NCOA2: variants seen among roughly 807,000 people sequenced by gnomAD.
NCOA2 encodes class E basic helix-loop-helix protein 75.
A neutral mutation model predicts 145.1 loss-of-function variants in NCOA2; 21 were observed. That is an observed-to-expected ratio of 0.14 (90% CI 0.10 to 0.21). NCOA2 has a LOEUF of 0.21. Among genes scored for constraint, NCOA2 ranks in the 10% least tolerant of loss-of-function variants. The probability of loss-of-function intolerance (pLI) is 1.00; values close to 1 mark genes in which losing one functional copy is unlikely to be tolerated. For synonymous variants in NCOA2, 619 were observed against 637.5 expected (o/e 0.97, Z 0.44); for missense variants, 1,472 against 1,837.6 (o/e 0.80, Z 3.64).
chr8:70,272,863 T>A (rs949960871), intron 2 of NCOA2, among the ~76,000 whole-genome samples: 1 of 135,988 alleles, frequency 7.4e-6, no homozygotes, highest in South Asian at 2.5e-4. Context: ...TATAAAGTAA[T>A]AATTTAATAT....
intron 1 of NCOA2, among the ~76,000 whole-genome samples, chr8:70,336,036 G>T (rs1807557178): frequency 6.6e-6 from 1 of 152,168 alleles, no homozygotes; most frequent in Admixed American, 6.5e-5. Context: ...CTCTTGCAAT[G>T]AATGGAGCTT....
intron 1 of NCOA2, among the ~76,000 whole-genome samples, chr8:70,364,546 T>A (rs1226428027): frequency 1.3e-5 from 2 of 152,126 alleles, no homozygotes; most frequent in Non-Finnish European, 2.9e-5. Context: ...AATGGTGAAG[T>A]GTAAAAATGC....
intron 1 of NCOA2, among the ~76,000 whole-genome samples, chr8:70,366,129 C>T (rs975714354): frequency 6.6e-6 from 1 of 152,188 alleles, no homozygotes; most frequent in African/African-American, 2.4e-5. Flanking sequence ...TCAAAAGCCA[C>T]AAGACCAATT....
intron 4 of NCOA2, among the ~76,000 whole-genome samples, chr8:70,210,132 C>T (rs1211947613): frequency 6.6e-6 from 1 of 152,186 alleles, no homozygotes; most frequent in Non-Finnish European, 1.5e-5. Context: ...GGCTGTGTGA[C>T]TTTGCCAGGC....
At chr8:70,274,434 C>T (rs1203183432) in intron 2 of NCOA2, among the ~76,000 whole-genome samples, 1 of 152,106 alleles carries the variant, frequency 6.6e-6, no homozygotes, top group Admixed American at 6.6e-5. Context: ...CTCAATCTTG[C>T]CATCTGTAAG....
At chr8:70,440,976 G>C in the NCOA2 span, among the ~76,000 whole-genome samples, 2 of 138,264 alleles carry the variant, frequency 1.4e-5, no homozygotes, top group Non-Finnish European at 3.1e-5. Context: ...AAGAAAGGGA[G>C]AGAGAAAGAA....
chr8:70,402,609 G>C (rs1030853790), intron 1 of NCOA2: 2 of 151,120 alleles, frequency 1.3e-5, no homozygotes, highest in African/African-American at 4.9e-5. Context: ...CCAGGGGCCC[G>C]AGAGGGCCGG....
At chr8:70,254,217 GCTA>G (rs1277259664) in intron 2 of NCOA2, among the ~76,000 whole-genome samples, 3 of 152,146 alleles carry the variant, frequency 2.0e-5, no homozygotes, top group African/African-American at 4.8e-5. Context: ...CATAAGGATC[GCTA>G]CTATCAAAAA....
At chr8:70,193,394 C>G (rs1816903455) in intron 4 of NCOA2, among the ~76,000 whole-genome samples, 1 of 152,088 alleles carries the variant, frequency 6.6e-6, no homozygotes, top group Non-Finnish European at 1.5e-5. Flanking sequence ...AGGTCTCTTT[C>G]TTTCTTAAGA....
chr8:70,314,442 A>AT (rs1344207679), intron 1 of NCOA2, among the ~76,000 whole-genome samples: 1 of 152,040 alleles, frequency 6.6e-6, no homozygotes, highest in Admixed American at 6.6e-5. Flanking sequence ...AACAAACAGC[A>AT]TATTTTGGAA....
chr8:70,324,635 A>T (rs1164213458), intron 1 of NCOA2, among the ~76,000 whole-genome samples: 1 of 152,186 alleles, frequency 6.6e-6, no homozygotes, highest in Non-Finnish European at 1.5e-5. Flanking sequence ...AACCCCAAAA[A>T]AAAAAAGGTA....
chr8:70,266,212 G>A (rs115710203), intron 2 of NCOA2, among the ~76,000 whole-genome samples: 4,209 of 152,226 alleles, frequency 0.028, 204 homozygotes, highest in African/African-American at 0.096. Context: ...ACCGAGGTGG[G>A]AGTACAGTGG....
chr8:70,398,640 C>T (rs1261327894), intron 1 of NCOA2, among the ~76,000 whole-genome samples: 1 of 152,282 alleles, frequency 6.6e-6, no homozygotes, highest in Non-Finnish European at 1.5e-5. Flanking sequence ...AAGATGTTTT[C>T]TTTTTCCTTT....
chr8:70,310,293 A>C (rs1250558819), intron 1 of NCOA2, among the ~76,000 whole-genome samples: 1 of 150,012 alleles, frequency 6.7e-6, no homozygotes, highest in Non-Finnish European at 1.5e-5. Context: ...GCAGTGAGCC[A>C]AGATCACACC....
chr8:70,279,711 TGA>T (rs1825735021), intron 2 of NCOA2, among the ~76,000 whole-genome samples: 1 of 152,328 alleles, frequency 6.6e-6, no homozygotes, highest in East Asian at 1.9e-4. Context: ...CATGGACCAG[TGA>T]GAGTCATTCC....
chr8:70,285,344 C>T (rs571230635), intron 2 of NCOA2, among the ~76,000 whole-genome samples: 1 of 152,322 alleles, frequency 6.6e-6, no homozygotes, highest in East Asian at 1.9e-4. Context: ...ACAGCATCCA[C>T]CATTAAGTGC....
chr8:70,450,125 A>AGC, the NCOA2 span, among the ~76,000 whole-genome samples: 2 of 152,216 alleles, frequency 1.3e-5, no homozygotes, highest in African/African-American at 4.8e-5. Context: ...TCCTTCTCTC[A>AGC]GCATAGGAGC....
At chr8:70,291,030 T>G (rs942742784) in intron 2 of NCOA2, among the ~76,000 whole-genome samples, 34 of 152,350 alleles carry the variant, frequency 2.2e-4, no homozygotes, top group Middle Eastern at 3.4e-3. Context: ...CAAAAGTTAC[T>G]GTGGTGGCAT....
intron 1 of NCOA2, among the ~76,000 whole-genome samples, chr8:70,367,012 GT>G (rs1433913323): frequency 6.6e-6 from 1 of 152,174 alleles, no homozygotes; most frequent in Non-Finnish European, 1.5e-5. Flanking sequence ...ACAGCAACCT[GT>G]TCCTGACACT....
Sources: gnomAD v4.1 joint callset for allele counts (sites outside exome capture counted in the v4.1 genomes callset) on GRCh38, gnomAD v4.1.1 for gene constraint, MANE v1.5 for transcripts, NCBI Gene and HGNC (gene_info 2026-07-23, HGNC 2026-07-21) for gene names.